The following DRC11 variants were observed in gnomAD, a reference collection of about 807,000 sequenced individuals.
DRC11 encodes dynein regulatory complex subunit 11.
At chr2:236,502,153 T>C in the DRC11 span, among the ~76,000 whole-genome samples, 2 of 152,156 alleles carry the variant, frequency 1.3e-5, no homozygotes, top group African/African-American at 4.8e-5. Flanking sequence ...GCTAGAAATA[T>C]GCCCCCAAAA....
the DRC11 span, among the ~76,000 whole-genome samples, chr2:236,498,099 A>C: frequency 6.6e-6 from 1 of 152,284 alleles, no homozygotes; most frequent in East Asian, 1.9e-4. Flanking sequence ...GAATGAATGA[A>C]GTACAGCAAA....
At chr2:236,503,471 A>C in the DRC11 span, among the ~76,000 whole-genome samples, 2 of 152,206 alleles carry the variant, frequency 1.3e-5, no homozygotes, top group Non-Finnish European at 2.9e-5. The surrounding 1 kb of genome is among the most constrained non-coding windows in gnomAD (Gnocchi z 4.9). Context: ...TTTTTGGTCA[A>C]AGACAGTCCT....
chr2:236,377,034 G>A, the DRC11 span: 17 of 1,056,532 alleles, frequency 1.6e-5, no homozygotes, highest in African/African-American at 1.1e-4. The surrounding 1 kb of genome is among the most constrained non-coding windows in gnomAD (Gnocchi z 4.9). Flanking sequence ...ACATATTTCC[G>A]GCTGCTGGGA....
the DRC11 span, among the ~76,000 whole-genome samples, chr2:236,489,334 T>C: frequency 7.2e-6 from 1 of 139,114 alleles, no homozygotes; most frequent in East Asian, 2.2e-4. Context: ...GGGTGCATGC[T>C]GGGGCCTGTG....
At chr2:236,317,090 G>A in the DRC11 span, among the ~76,000 whole-genome samples, 1 of 152,164 alleles carries the variant, frequency 6.6e-6, no homozygotes, top group Non-Finnish European at 1.5e-5. This position sits in a 1 kb window ranked among gnomAD's most constrained non-coding sequence, Gnocchi z 5.4. Context: ...GAGGTCAGGA[G>A]ATCGAGACCA....
chr2:236,450,148 T>C, the DRC11 span, among the ~76,000 whole-genome samples: 1 of 152,146 alleles, frequency 6.6e-6, no homozygotes, highest in African/African-American at 2.4e-5. Context: ...AATATCATGT[T>C]TGGCTTTATG....
chr2:236,408,406 G>C, the DRC11 span: 3 of 742,134 alleles, frequency 4.0e-6, no homozygotes, highest in Non-Finnish European at 7.6e-6. This position sits in a 1 kb window ranked among gnomAD's most constrained non-coding sequence, Gnocchi z 5.5. Context: ...TTTGCCCTTG[G>C]TCACCTTGAA....
At chr2:236,333,296 G>A in the DRC11 span, 1 of 152,294 alleles carries the variant, frequency 6.6e-6, no homozygotes, top group East Asian at 1.9e-4. This position sits in a 1 kb window ranked among gnomAD's most constrained non-coding sequence, Gnocchi z 6.0. Context: ...TTCAAAGCCT[G>A]TTTGTGTAGC....
chr2:236,380,709 G>A, the DRC11 span: 1 of 1,156,292 alleles, frequency 8.6e-7, no homozygotes, highest in Non-Finnish European at 1.3e-6. This position sits in a 1 kb window ranked among gnomAD's most constrained non-coding sequence, Gnocchi z 4.9. Flanking sequence ...AATTAGCTAA[G>A]CACGTTGTTT....
chr2:236,494,325 T>C, the DRC11 span, among the ~76,000 whole-genome samples: 2 of 152,268 alleles, frequency 1.3e-5, no homozygotes, highest in East Asian at 1.9e-4. This position sits in a 1 kb window ranked among gnomAD's most constrained non-coding sequence, Gnocchi z 4.2. Flanking sequence ...CATTTTTTTC[T>C]AGTAATTTGG....
chr2:236,408,399 G>A, the DRC11 span: 1 of 743,200 alleles, frequency 1.3e-6, no homozygotes, highest in Non-Finnish European at 2.5e-6. This position sits in a 1 kb window ranked among gnomAD's most constrained non-coding sequence, Gnocchi z 5.5. Context: ...TGTAGTCTTT[G>A]CCCTTGGTCA....
chr2:236,461,703 G>T, the DRC11 span, among the ~76,000 whole-genome samples: 1 of 152,178 alleles, frequency 6.6e-6, no homozygotes, highest in African/African-American at 2.4e-5. The surrounding 1 kb of genome is among the most constrained non-coding windows in gnomAD (Gnocchi z 4.0). Context: ...ACAACTCCAT[G>T]AAACAGGGAC....
At chr2:236,497,513 G>A in the DRC11 span, 4 of 1,508,614 alleles carry the variant, frequency 2.7e-6, no homozygotes, top group Non-Finnish European at 2.7e-6. This position sits in a 1 kb window ranked among gnomAD's most constrained non-coding sequence, Gnocchi z 5.1. Flanking sequence ...GAATTTAGAT[G>A]ATACAGTAAA....
the DRC11 span, chr2:236,399,603 C>T: frequency 1.2e-6 from 1 of 807,350 alleles, no homozygotes; most frequent in South Asian, 1.5e-5. This position sits in a 1 kb window ranked among gnomAD's most constrained non-coding sequence, Gnocchi z 7.0. Context: ...CCTGGTCCCC[C>T]TGGGCAGTGC....
chr2:236,433,156 T>C, the DRC11 span, among the ~76,000 whole-genome samples: 1 of 152,154 alleles, frequency 6.6e-6, no homozygotes, highest in Non-Finnish European at 1.5e-5. Flanking sequence ...CCTAAGAATA[T>C]GTTTTCATAC....
chr2:236,449,151 C>T, the DRC11 span, among the ~76,000 whole-genome samples: 1 of 152,206 alleles, frequency 6.6e-6, no homozygotes, highest in Non-Finnish European at 1.5e-5. The surrounding 1 kb of genome is among the most constrained non-coding windows in gnomAD (Gnocchi z 5.1). Flanking sequence ...TGAGCCACTA[C>T]ACCCACTGGG....
the DRC11 span, among the ~76,000 whole-genome samples, chr2:236,384,292 G>A: frequency 2.6e-5 from 4 of 152,078 alleles, no homozygotes; most frequent in Non-Finnish European, 1.5e-5. Context: ...CAGTGTAAAA[G>A]TGTTCCTATT....
At chr2:236,339,478 A>G in the DRC11 span, among the ~76,000 whole-genome samples, 1 of 152,214 alleles carries the variant, frequency 6.6e-6, no homozygotes, top group South Asian at 2.1e-4. Flanking sequence ...CTAAGGAACA[A>G]CTGCCTAATC....
chr2:236,481,190 C>A, the DRC11 span, among the ~76,000 whole-genome samples: 1 of 152,200 alleles, frequency 6.6e-6, no homozygotes, highest in Admixed American at 6.5e-5. Flanking sequence ...GCTAGTCCTG[C>A]CTTTCCCTTT....
Sources: allele counts gnomAD v4.1 joint callset (sites outside exome capture counted in the v4.1 genomes callset), GRCh38; gene constraint gnomAD v4.1.1; non-coding constraint Gnocchi (gnomAD v3.1); transcripts MANE v1.5; gene names NCBI Gene and HGNC (gene_info 2026-07-23, HGNC 2026-07-21).